Variants in RPH3AL observed in about 807,000 individuals in gnomAD.
RPH3AL encodes the protein rab effector Noc2.
A neutral mutation model predicts 43.1 loss-of-function variants in RPH3AL; 38 were observed. That is an observed-to-expected ratio of 0.88 (90% CI 0.68 to 1.15). The LOEUF is 1.15. RPH3AL is among the 50% of genes most tolerant of loss of function. RPH3AL has a pLI of 0.00. For missense variants in RPH3AL, 462 were observed against 423.2 expected (o/e 1.09, Z -0.81); for synonymous variants, 189 against 176.3 (o/e 1.07, Z -0.57).
chr17:230,597 G>T (rs1723387139), intron 7 of RPH3AL, among the ~76,000 whole-genome samples: 1 of 152,170 alleles, frequency 6.6e-6, no homozygotes, highest in Admixed American at 6.5e-5. Flanking sequence ...CAGGAGAAAG[G>T]CCCCAGGCTC....
intron 1 of RPH3AL, among the ~76,000 whole-genome samples, chr17:342,685 G>T (rs1410042077): frequency 6.6e-6 from 1 of 152,174 alleles, no homozygotes; most frequent in Admixed American, 6.5e-5. Context: ...TGGTTGCCTA[G>T]GGCTTGTTGG....
intron 7 of RPH3AL, among the ~76,000 whole-genome samples, chr17:231,611 G>A (rs753307718): frequency 1.4e-4 from 22 of 152,218 alleles, no homozygotes; most frequent in Admixed American, 4.6e-4. Context: ...ACAGGTGAGC[G>A]GCTGGAGATG....
rs921253265 is a variant in RPH3AL, at chr17:212,667, G to C, written c.*1185C>G. On this transcript the variant is annotated 3_prime_UTR_variant, in exon 10 of 10. Transcript: ENST00000331302. ...CCCAGGAACCCGGGGTTTGGGGCAG[G>C]AGGCAGGAAGGATGGGAGGGTGTGA... The C allele has an allele frequency of 6.6e-6, 1 of 151,878 alleles. No individual in the cohort carries two copies. The highest frequency in any genetic ancestry group is 2.4e-5 in the African/African-American group (1 of 41,304). The allele number at this position is 151,878 out of a possible 1,614,324, so 9.4% of individuals were successfully genotyped here.
intron 8 of RPH3AL, among the ~76,000 whole-genome samples, chr17:216,365 T>C (rs1188319578): frequency 6.6e-6 from 1 of 151,894 alleles, no homozygotes; most frequent in African/African-American, 2.4e-5. Context: ...TCCACAATTA[T>C]CACAGAATGG....
rs1392991429 is a variant in RPH3AL, at chr17:264,876, T to C, written c.438+16892A>G. Reference sequence around the variant, plus strand: ...GTACCTGAAAATTCACAGTGGTCAATGCAAGACAAAACTCAGTCTAAATTA... The same window carrying C: ...GTACCTGAAAATTCACAGTGGTCAACGCAAGACAAAACTCAGTCTAAATTA... On this transcript the variant is annotated intron_variant, in intron 6 of 9. Transcript: ENST00000331302. This position sits in a 1 kb window ranked among gnomAD's most constrained non-coding sequence, Gnocchi z 4.8. Among the ~76,000 whole-genome samples, 1 of 152,188 alleles carries C rather than the reference T, an allele frequency of 6.6e-6. No homozygotes were observed. Among genetic ancestry groups the C allele is most frequent in the Admixed American group, 6.5e-5 (1 of 15,284 alleles).
intron 5 of RPH3AL, among the ~76,000 whole-genome samples, chr17:317,045 GTC>G (rs2044268052): frequency 7.3e-6 from 1 of 137,412 alleles, no homozygotes; most frequent in African/African-American, 2.8e-5. Context: ...CTGACCTGTA[GTC>G]TCTGTGCCCC....
chr17:345,836 T>C lies in RPH3AL; in HGVS notation c.-213+6876A>G, dbSNP rs1287523016. ...AAGCGTGCTCCCCAACTGCCCCATC[T>C]GCCCGCACACCCTGCTGGGGCATGC... is the stretch of plus-strand genomic sequence containing the variant. On this transcript the variant is annotated intron_variant, in intron 1 of 9. Coordinates refer to ENST00000331302, the MANE Select transcript of RPH3AL (RefSeq NM_006987.4). 1.5e-5 allele frequency among the ~76,000 whole-genome samples: 2 copies of C among 133,736 alleles called. 1 individual carries two copies. Among genetic ancestry groups the C allele is most frequent in the Non-Finnish European group, 3.4e-5 (2 of 58,628 alleles). The allele number at this position is 133,736 out of a possible 152,430, so 87.7% of individuals were successfully genotyped here.
At chr17:258,785 G>T (rs1345668470) in intron 6 of RPH3AL, among the ~76,000 whole-genome samples, 1 of 135,916 alleles carries the variant, frequency 7.4e-6, no homozygotes. Flanking sequence ...TTTTGAGACA[G>T]GGTCTCACTC....
intron 5 of RPH3AL, among the ~76,000 whole-genome samples, chr17:314,570 ACTGACAGGCAGTCTCTG>A (rs2043813454): frequency 8.3e-6 from 1 of 120,462 alleles, no homozygotes; most frequent in African/African-American, 3.0e-5. Context: ...CCCCACCTCC[ACTGACAGGCAGTCTCTG>A]TGCTCCACCT....
At chr17:330,343 C>T (rs946159583) in intron 2 of RPH3AL, among the ~76,000 whole-genome samples, 1 of 152,226 alleles carries the variant, frequency 6.6e-6, no homozygotes, top group Non-Finnish European at 1.5e-5. Flanking sequence ...ATGGCCGGGC[C>T]CAGATCACCC....
rs117111040 is a variant in RPH3AL, at chr17:305,191, C to G, written c.351+14229G>C. Among the ~76,000 whole-genome samples, 299 of 151,418 alleles carry G rather than the reference C, an allele frequency of 2.0e-3. 4 individuals are homozygous for G. In the East Asian group the frequency reaches 0.023, roughly 12 times the overall value. On this transcript the variant is annotated intron_variant, in intron 5 of 9. Transcript: ENST00000331302. ...CGTCTGCACCACCAGGCGCACAGCC[C>G]AGGAGGTGGCAGGAGTCATCCGTTC...
chr17:321,287 T>A lies in RPH3AL; in HGVS notation c.206A>T (p.Glu69Val). The A allele has an allele frequency of 6.2e-7, 1 of 1,608,540 alleles. No homozygotes were observed. Among genetic ancestry groups the A allele is most frequent in the Non-Finnish European group, 8.5e-7 (1 of 1,179,696 alleles). ...IQRAERLDVL[E>V]QQRIGRLVER... ...CCCGCCTCACCCGATTCTCTGCTGC[T>A]CCAGGACGTCGAGCCGCTCTGCCCT... Residue 69 changes from glutamate (E) to valine (V), a missense_variant, in exon 4 of 10, where the codon GAG (glutamate) becomes GTG (valine). Coordinates refer to ENST00000331302, the MANE Select transcript of RPH3AL (RefSeq NM_006987.4).
chr17:345,049 G>A (rs62055022), intron 1 of RPH3AL, among the ~76,000 whole-genome samples: 47,010 of 134,188 alleles, frequency 0.35, 15,351 homozygotes, highest in East Asian at 0.68. Context: ...CGGGAGGATC[G>A]ATTGAGCCCA....
At chr17:216,896 T>G (rs963297065) in intron 8 of RPH3AL, among the ~76,000 whole-genome samples, 1 of 152,172 alleles carries the variant, frequency 6.6e-6, no homozygotes, top group Non-Finnish European at 1.5e-5. Context: ...GTGTCAGGTC[T>G]TTGCCAGCTC....
At chr17:350,228 T>C (rs1292171285) in intron 1 of RPH3AL, among the ~76,000 whole-genome samples, 1 of 152,234 alleles carries the variant, frequency 6.6e-6, no homozygotes, top group Non-Finnish European at 1.5e-5. Flanking sequence ...GGCTCACGCC[T>C]GTAATCCTAG....
At position 286,784 on chromosome 17, in the gene RPH3AL, T is replaced by C. The variant is rs2151614832; in HGVS notation, c.352-4930A>G. On this transcript the variant is annotated intron_variant, in intron 5 of 9. Transcript: ENST00000331302. ...GGATTTGCCCAGGGCAAGCGAGTCC[T>C]GGCTTCCCGGGCTTGGCTGCCTCAT... 2.0e-5 allele frequency among the ~76,000 whole-genome samples: 3 copies of C among 152,292 alleles called. 1 individual carries two copies. The East Asian group carries it at 5.8e-4, about 29-fold the overall frequency.
At position 333,348 on chromosome 17, in the gene RPH3AL, C is replaced by A. The variant is rs1567532477; in HGVS notation, c.-37+411G>T. The A allele has an allele frequency of 1.6e-6, 2 of 1,238,788 alleles. No individual in the cohort carries two copies. The highest frequency in any genetic ancestry group is 1.5e-5 in the African/African-American group (1 of 64,864). 76.7% of individuals were successfully genotyped at this position (1,238,788 alleles called of 1,614,324 possible). A position where few individuals can be genotyped will look rare whatever the true frequency, so the allele number is the denominator to read the frequency against. On this transcript the variant is annotated intron_variant, in intron 2 of 9. Transcript: ENST00000331302. This position sits in a 1 kb window ranked among gnomAD's most constrained non-coding sequence, Gnocchi z 4.5. Reference sequence around the variant, plus strand: ...AAAACACCTTAAATTCTCACATCAGCCACCCCCATGGCGACTCTTAACACC... The same window carrying A: ...AAAACACCTTAAATTCTCACATCAGACACCCCCATGGCGACTCTTAACACC...
In RPH3AL at chr17:302,165, G is replaced by T. The variant is rs146251841; in HGVS notation, c.351+17255C>A. ...GCTGCCACTGCGGCATCTGCGGACT[G>T]CGAGGCTGCAAGGCCTGGACTGAGC... On this transcript the variant is annotated intron_variant, in intron 5 of 9. Coordinates refer to ENST00000331302, the MANE Select transcript of RPH3AL (RefSeq NM_006987.4). 4.6e-3 allele frequency among the ~76,000 whole-genome samples: 696 copies of T among 152,372 alleles called. 3 individuals are homozygous for T. Among genetic ancestry groups the T allele is most frequent in the African/African-American group, 0.016 (665 of 41,592 alleles).
At chr17:213,958 C>G in intron 9 of RPH3AL, 35 bp from the exon 10 acceptor site, 2 of 1,544,754 alleles carry the variant, frequency 1.3e-6, no homozygotes, top group Non-Finnish European at 1.8e-6. Flanking sequence ...ACATGGTGAG[C>G]AGCGGTGGAG....
Sources: allele counts gnomAD v4.1 joint callset (sites outside exome capture counted in the v4.1 genomes callset), GRCh38; gene constraint gnomAD v4.1.1; non-coding constraint Gnocchi (gnomAD v3.1); transcripts MANE v1.5; gene names NCBI Gene and HGNC (gene_info 2026-07-23, HGNC 2026-07-21).